VAV2: variants seen among roughly 807,000 people sequenced by gnomAD.
VAV2 encodes vav guanine nucleotide exchange factor 2, also known as guanine nucleotide exchange factor VAV2.
A neutral mutation model predicts 132.5 loss-of-function variants in VAV2; 67 were observed. That is an observed-to-expected ratio of 0.51 (90% CI 0.42 to 0.62). The LOEUF (loss-of-function observed/expected upper bound fraction) is 0.62, where lower values mean the gene tolerates loss of function less well. Among genes scored for constraint, VAV2 ranks in the 20% least tolerant of loss-of-function variants. VAV2 has a pLI of 0.00. For missense variants in VAV2, 938 were observed against 1,153.6 expected, an observed-to-expected ratio of 0.81 and a Z score of 2.71; for synonymous variants, 492 against 443.5, an observed-to-expected ratio of 1.11 and a Z score of -1.37.
chr9:133,797,863 G>C, intron 9 of VAV2, 54 bp from the exon 10 acceptor site: 1 of 1,548,476 alleles, frequency 6.5e-7, no homozygotes, highest in East Asian at 2.3e-5. Flanking sequence ...AGCAGCTCGG[G>C]GCTGCAGTGA....
At chr9:133,979,902 T>TTC (rs922789126) in intron 1 of VAV2, among the ~76,000 whole-genome samples, 1 of 152,198 alleles carries the variant, frequency 6.6e-6, no homozygotes, top group African/African-American at 2.4e-5. Flanking sequence ...TCTGCCTGCC[T>TTC]TCTCTCTCTC....
At chr9:133,931,087 C>T (rs1304007587) in intron 2 of VAV2, among the ~76,000 whole-genome samples, 3 of 152,346 alleles carry the variant, frequency 2.0e-5, no homozygotes, top group East Asian at 3.9e-4. Context: ...GCCAGCACCG[C>T]GGGTTCCTGG....
intron 25 of VAV2, 127 bp downstream of exon 25, chr9:133,774,808 T>C: frequency 2.4e-6 from 2 of 834,164 alleles, no homozygotes; most frequent in South Asian, 3.2e-5. Flanking sequence ...CTCAATAATG[T>C]CCTCACTTGG....
rs896094556 is a variant in VAV2, at chr9:133,763,048, G to A, written c.*1014C>T. ...CAAGAGCACTTATTTTGAGTCGCCC[G>A]AGGCCCAGTTTGTAGGCTGCAGGGG... On this transcript the variant is annotated 3_prime_UTR_variant, in exon 30 of 30. Coordinates refer to ENST00000371850, the MANE Select transcript of VAV2 (RefSeq NM_001134398.2). This position sits in a 1 kb window ranked among gnomAD's most constrained non-coding sequence, Gnocchi z 6.8. 2 of 152,586 alleles carry A rather than the reference G, an allele frequency of 1.3e-5. No homozygotes were observed. The highest frequency in any genetic ancestry group is 6.5e-5 in the Admixed American group (1 of 15,280). 9.5% of individuals were successfully genotyped at this position (152,586 alleles called of 1,614,324 possible). A position where few individuals can be genotyped will look rare whatever the true frequency, so the allele number is the denominator to read the frequency against.
intron 3 of VAV2, among the ~76,000 whole-genome samples, chr9:133,846,169 C>T (rs538150552): frequency 6.6e-6 from 1 of 152,312 alleles, no homozygotes. Context: ...AGAAAGCTGC[C>T]CAAGGAGGCC....
At chr9:133,793,018 T>C (rs1427542023) in intron 12 of VAV2, among the ~76,000 whole-genome samples, 7 of 151,936 alleles carry the variant, frequency 4.6e-5, no homozygotes, top group Non-Finnish European at 8.8e-5. Flanking sequence ...TATGTCCCTG[T>C]TCTTGGGAAG....
At chr9:133,859,321 C>T (rs1024978075) in intron 3 of VAV2, among the ~76,000 whole-genome samples, 2 of 152,196 alleles carry the variant, frequency 1.3e-5, no homozygotes, top group Non-Finnish European at 2.9e-5. Flanking sequence ...GCAGCGGCAT[C>T]GAGAGCCTGA....
At chr9:133,902,188 C>G (rs1034338045) in intron 2 of VAV2, among the ~76,000 whole-genome samples, 6 of 152,208 alleles carry the variant, frequency 3.9e-5, no homozygotes, top group African/African-American at 1.2e-4. Context: ...GACCCAACTT[C>G]ATTGTCTATA....
chr9:133,933,322 C>A (rs188060237), intron 2 of VAV2, among the ~76,000 whole-genome samples: 21 of 152,374 alleles, frequency 1.4e-4, no homozygotes, highest in African/African-American at 5.0e-4. Flanking sequence ...GCAAAGACTA[C>A]GTGAGTCTCC....
At chr9:133,954,300 C>A (rs1352810773) in intron 1 of VAV2, among the ~76,000 whole-genome samples, 1 of 152,244 alleles carries the variant, frequency 6.6e-6, no homozygotes, top group East Asian at 1.9e-4. Context: ...CTGCTGAGGG[C>A]CTGCGGCCCT....
At chr9:133,814,904 T>C (rs1271523032) in intron 4 of VAV2, among the ~76,000 whole-genome samples, 2 of 152,190 alleles carry the variant, frequency 1.3e-5, no homozygotes, top group Admixed American at 1.3e-4. Context: ...ACACACATCC[T>C]TCACTCGTGC....
intron 3 of VAV2, among the ~76,000 whole-genome samples, chr9:133,858,357 T>C (rs966709845): frequency 3.9e-5 from 6 of 152,160 alleles, no homozygotes; most frequent in African/African-American, 9.7e-5. Context: ...TGGGTGGCAA[T>C]GTTCTGTGGC....
In VAV2 at chr9:133,804,426, G is replaced by A. The variant is rs1027314797; in HGVS notation, c.836+1655C>T. ...GTGGCGCTCCAAGGCAGAGATGCCC[G>A]CTGTTCCTCAGCGGGAACCACCCAT... On this transcript the variant is annotated intron_variant, in intron 9 of 29. Transcript: ENST00000371850. The surrounding 1 kb of genome is among the most constrained non-coding windows in gnomAD (Gnocchi z 4.5). Among the ~76,000 whole-genome samples the A allele has an allele frequency of 2.0e-5, 3 of 152,224 alleles. No homozygotes were observed. The highest frequency in any genetic ancestry group is 4.4e-5 in the Non-Finnish European group (3 of 68,038).
At chr9:133,811,608 C>G (rs943659583) in intron 5 of VAV2, among the ~76,000 whole-genome samples, 1 of 152,198 alleles carries the variant, frequency 6.6e-6, no homozygotes, top group Non-Finnish European at 1.5e-5. Flanking sequence ...AGAGATTATT[C>G]GCCAGTGCCT....
chr9:133,990,719 G>T (rs1376212427), intron 1 of VAV2, among the ~76,000 whole-genome samples: 1 of 152,164 alleles, frequency 6.6e-6, no homozygotes, highest in Admixed American at 6.5e-5. Context: ...AGACTTCCCA[G>T]TCCCCGTGGG....
chr9:133,853,101 G>C (rs968296418), intron 3 of VAV2, among the ~76,000 whole-genome samples: 1 of 152,350 alleles, frequency 6.6e-6, no homozygotes, highest in East Asian at 1.9e-4. Context: ...CGGCTGTCAG[G>C]TAAAAGCCGT....
intron 25 of VAV2, 36 bp downstream of exon 25, chr9:133,774,899 G>T: frequency 6.3e-7 from 1 of 1,581,758 alleles, no homozygotes; most frequent in Non-Finnish European, 8.6e-7. Flanking sequence ...ACGGCATTGG[G>T]GGATGGGTCT....
chr9:133,776,477 C>T lies in VAV2; in HGVS notation c.1966-397G>A, dbSNP rs561402284. On this transcript the variant is annotated intron_variant, in intron 23 of 29. Coordinates refer to ENST00000371850, the MANE Select transcript of VAV2 (RefSeq NM_001134398.2). Reference sequence around the variant, plus strand: ...GTGGCCACACTCAGGCAGGTGCTGCCGCTCCAGTGAGCAGGTAGGGCTCCC... The same window carrying T: ...GTGGCCACACTCAGGCAGGTGCTGCTGCTCCAGTGAGCAGGTAGGGCTCCC... Among the ~76,000 whole-genome samples the T allele has an allele frequency of 5.9e-4, 90 of 152,310 alleles. No individual in the cohort carries two copies. In the South Asian group the frequency reaches 0.012, roughly 20 times the overall value.
intron 2 of VAV2, among the ~76,000 whole-genome samples, chr9:133,895,491 A>G (rs1222680356): frequency 2.6e-5 from 4 of 152,372 alleles, no homozygotes; most frequent in African/African-American, 9.6e-5. Flanking sequence ...CGCCGACGTG[A>G]AAAGGAGAGA....
Sources: allele counts gnomAD v4.1 joint callset (sites outside exome capture counted in the v4.1 genomes callset), GRCh38; gene constraint gnomAD v4.1.1; non-coding constraint Gnocchi (gnomAD v3.1); transcripts MANE v1.5; gene names NCBI Gene and HGNC (gene_info 2026-07-23, HGNC 2026-07-21).